CFAP47: variants seen among roughly 807,000 people sequenced by gnomAD.
CFAP47 encodes cilia- and flagella-associated protein 47.
Under a neutral mutation model 148.1 loss-of-function variants are expected in CFAP47, and 29 were observed. The ratio of observed to expected loss-of-function variants is 0.20; its 90% CI spans 0.15 to 0.27. The LOEUF (loss-of-function observed/expected upper bound fraction) is 0.27. CFAP47 is among the 10% of genes least tolerant of loss of function. CFAP47 has a pLI of 1.00. For synonymous variants in CFAP47, 664 were observed against 577.3 expected, an observed-to-expected ratio of 1.15 and a Z score of -2.15; for missense variants, 1,872 against 1,697.5, an observed-to-expected ratio of 1.10 and a Z score of -1.81.
intron 49 of CFAP47, among the ~76,000 whole-genome samples, chrX:36,261,474 C>T (rs782243776): frequency 0.06 from 6,282 of 105,575 alleles, 496 homozygotes; most frequent in African/African-American, 0.21. Flanking sequence ...GACCCTGCGG[C>T]CTTCCTCAGT....
At chrX:36,305,547 T>C (rs1024953545) in intron 54 of CFAP47, among the ~76,000 whole-genome samples, 11 of 111,556 alleles carry the variant, frequency 9.9e-5, no homozygotes, top group African/African-American at 3.6e-4. Context: ...GCACTGAATA[T>C]GCAATTAACT....
chrX:35,962,912 G>C (rs1032070362), intron 8 of CFAP47, among the ~76,000 whole-genome samples: 6 of 101,037 alleles, frequency 5.9e-5, no homozygotes, highest in Admixed American at 4.4e-4. Flanking sequence ...ATTCCCCTTG[G>C]ATAAATAAAA....
At position 36,278,211 on chromosome X, in the gene CFAP47, G is replaced by A. The variant is rs142611573; in HGVS notation, c.7445-2276G>A. Among the ~76,000 whole-genome samples, 741 of 112,151 alleles carry A rather than the reference G, an allele frequency of 6.6e-3. 5 individuals carry two copies. The highest frequency in any genetic ancestry group is 0.017 in the African/African-American group (540 of 30,901). ...GCCCACAGAGGTGGAGTCTACAGAG[G>A]CATCAGGCCTTGTTGAGCTGCGGTG... On this transcript the variant is annotated intron_variant, in intron 49 of 63. Coordinates refer to ENST00000378653, the MANE Select transcript of CFAP47 (RefSeq NM_001304548.2).
chrX:36,046,774 CA>C (rs1937471801), intron 25 of CFAP47, 79 bp from the exon 26 acceptor site: 5 of 604,206 alleles, frequency 8.3e-6, no homozygotes, highest in Non-Finnish European at 7.4e-6. Context: ...CTTGAGGATT[CA>C]AAAAAATGAA....
At chrX:36,335,902 A>T (rs944292952) in intron 57 of CFAP47, among the ~76,000 whole-genome samples, 21 of 111,706 alleles carry the variant, frequency 1.9e-4, no homozygotes, top group Non-Finnish European at 4.0e-4. Context: ...CTGTATGTGA[A>T]TCTATAATTA....
In CFAP47 at chrX:36,089,376, TA is replaced by T. The variant is rs112830556; in HGVS notation, c.4916+3846del. On this transcript the variant is annotated intron_variant, in intron 30 of 63. Coordinates refer to ENST00000378653, the MANE Select transcript of CFAP47 (RefSeq NM_001304548.2). ...AAGAGCGAAACTCCATCTCAAAAAA[TA>T]AAAAAAAGGAAAAAAAGAAAATAAA... 9.6e-3 allele frequency among the ~76,000 whole-genome samples: 1,044 copies of T among 108,357 alleles called. 8 individuals carry two copies. The highest frequency in any genetic ancestry group is 0.033 in the African/African-American group (986 of 29,782). The allele number at this position is 108,357 out of a possible 115,157, so 94.1% of individuals were successfully genotyped here.
chrX:35,952,183 C>T (rs1329263720), intron 6 of CFAP47, among the ~76,000 whole-genome samples: 1 of 111,547 alleles, frequency 9.0e-6, no homozygotes, highest in African/African-American at 3.3e-5. Context: ...AAAAATATCC[C>T]TAGACCTTGT....
At chrX:36,160,034 A>G (rs1382669735) in intron 38 of CFAP47, among the ~76,000 whole-genome samples, 2 of 111,790 alleles carry the variant, frequency 1.8e-5, no homozygotes, top group Non-Finnish European at 3.8e-5. Context: ...TCTACAATGG[A>G]TGTATGGTAC....
chrX:35,990,304 T>C (rs927971184), intron 16 of CFAP47, among the ~76,000 whole-genome samples: 2 of 111,169 alleles, frequency 1.8e-5, no homozygotes, highest in African/African-American at 6.5e-5. Flanking sequence ...GTGAAGACAA[T>C]AGGGTCTGAT....
intron 26 of CFAP47, among the ~76,000 whole-genome samples, chrX:36,056,273 G>T (rs1011575974): frequency 7.1e-5 from 8 of 112,026 alleles, no homozygotes; most frequent in African/African-American, 2.6e-4. Flanking sequence ...AAAAAAGAGT[G>T]ATATGTGACA....
chrX:36,097,819 A>G, intron 30 of CFAP47, among the ~76,000 whole-genome samples: 1 of 110,583 alleles, frequency 9.0e-6, no homozygotes, highest in Middle Eastern at 4.7e-3. Flanking sequence ...CGGATATTGG[A>G]TATTTGGATA....
intron 26 of CFAP47, among the ~76,000 whole-genome samples, chrX:36,059,006 A>G (rs1330329449): frequency 8.9e-6 from 1 of 112,277 alleles, no homozygotes; most frequent in Non-Finnish European, 1.9e-5. Flanking sequence ...AATTCAGACC[A>G]TTGGCCAGAC....
At chrX:35,936,092 A>G (rs941423800) in intron 2 of CFAP47, among the ~76,000 whole-genome samples, 3 of 111,786 alleles carry the variant, frequency 2.7e-5, no homozygotes, top group Non-Finnish European at 5.6e-5. Context: ...GCATTTAACT[A>G]TTATTTCAGC....
intron 39 of CFAP47, among the ~76,000 whole-genome samples, chrX:36,171,154 T>A (rs1393623079): frequency 9.2e-6 from 1 of 108,477 alleles, no homozygotes; most frequent in Non-Finnish European, 1.9e-5. Context: ...GTTTGTTTTT[T>A]TCTTGTAAAT....
At chrX:36,131,739 A>G (rs1436169146) in intron 33 of CFAP47, among the ~76,000 whole-genome samples, 1 of 111,558 alleles carries the variant, frequency 9.0e-6, no homozygotes, top group African/African-American at 3.2e-5. Context: ...TAAATAAAAG[A>G]CAACAGAACA....
chrX:36,328,816 C>CAAAAAAAA (rs782618340), intron 57 of CFAP47, among the ~76,000 whole-genome samples: 3 of 56,432 alleles, frequency 5.3e-5, no homozygotes, highest in African/African-American at 1.4e-4. Flanking sequence ...GACTCTGTCT[C>CAAAAAAAA]AAAAAAAAAA....
At chrX:36,304,103 C>T (rs1602100143) in intron 54 of CFAP47, 143 bp downstream of exon 54, 1 of 350,166 alleles carries the variant, frequency 2.9e-6, no homozygotes, top group East Asian at 5.7e-5. Context: ...TTTTATAGGC[C>T]CAGCGGGGTG....
At chrX:36,239,758 G>A (rs1226076331) in intron 48 of CFAP47, among the ~76,000 whole-genome samples, 1 of 111,626 alleles carries the variant, frequency 9.0e-6, no homozygotes, top group Non-Finnish European at 1.9e-5. Context: ...GTATATTCCT[G>A]GGAAACAAGC....
chrX:36,151,273 C>T (rs1220555572), intron 37 of CFAP47, among the ~76,000 whole-genome samples: 1 of 112,009 alleles, frequency 8.9e-6, no homozygotes, highest in Non-Finnish European at 1.9e-5. Context: ...AGAATTACAT[C>T]AAACACAGTT....
Sources: allele counts gnomAD v4.1 joint callset (sites outside exome capture counted in the v4.1 genomes callset), GRCh38; gene constraint gnomAD v4.1.1; transcripts MANE v1.5; gene names NCBI Gene and HGNC (gene_info 2026-07-23, HGNC 2026-07-21).